Variants in DMD observed in about 807,000 individuals in gnomAD.
DMD encodes the protein dystrophin, also known as mutant dystrophin.
A neutral mutation model predicts 330.1 loss-of-function variants in DMD; 63 were observed. That is an observed-to-expected ratio of 0.19 (90% CI 0.16 to 0.24). The LOEUF is 0.24. Ranked by LOEUF, DMD falls within the 10% of genes least tolerant of loss-of-function variation. The pLI, the probability that DMD is intolerant of heterozygous loss-of-function variation, is 1.00. For synonymous variants in DMD, 1,223 were observed against 959.8 expected (o/e 1.27, Z -5.07); for missense variants, 3,344 against 2,684.1 (o/e 1.25, Z -5.43).
chrX:32,495,750 T>A (rs765098275), intron 19 of DMD, among the ~76,000 whole-genome samples: 169 of 110,291 alleles, frequency 1.5e-3, no homozygotes, highest in Non-Finnish European at 1.8e-3. Context: ...AGAATTATGC[T>A]CCTTGACTCA....
At chrX:32,925,666 T>C (rs1231629880) in intron 2 of DMD, among the ~76,000 whole-genome samples, 2 of 112,103 alleles carry the variant, frequency 1.8e-5, no homozygotes, top group Non-Finnish European at 3.8e-5. Context: ...AAAAGTGTAG[T>C]ACATGATAAC....
chrX:32,074,697 T>C (rs777145771), intron 44 of DMD, among the ~76,000 whole-genome samples: 4 of 92,411 alleles, frequency 4.3e-5, no homozygotes, highest in African/African-American at 1.4e-4. Context: ...GCCTAAAATA[T>C]TTACTAACTA....
At chrX:32,785,718 T>A (rs960811784) in intron 7 of DMD, among the ~76,000 whole-genome samples, 13 of 111,626 alleles carry the variant, frequency 1.2e-4, no homozygotes, top group Non-Finnish European at 1.7e-4. Flanking sequence ...TTTAACTTTT[T>A]TCGTATTTCA....
intron 48 of DMD, among the ~76,000 whole-genome samples, chrX:31,863,185 T>C (rs1318107487): frequency 4.5e-5 from 5 of 111,800 alleles, no homozygotes; most frequent in Non-Finnish European, 9.4e-5. Context: ...CTACTAAAAA[T>C]ACACAAAATT....
intron 42 of DMD, among the ~76,000 whole-genome samples, chrX:32,294,073 C>T (rs1014245231): frequency 8.9e-6 from 1 of 111,849 alleles, no homozygotes; most frequent in Non-Finnish European, 1.9e-5. Context: ...TTGGCTGCTT[C>T]TGTTAACTTG....
intron 19 of DMD, among the ~76,000 whole-genome samples, chrX:32,499,953 TA>T (rs1156315286): frequency 1.8e-5 from 2 of 111,577 alleles, no homozygotes. Context: ...AGTAATTTCA[TA>T]AATTATTTTA....
At chrX:31,252,862 A>G (rs1356639002) in intron 63 of DMD, among the ~76,000 whole-genome samples, 1 of 111,444 alleles carries the variant, frequency 9.0e-6, no homozygotes, top group Non-Finnish European at 1.9e-5. Context: ...AAATACAAAA[A>G]TTAGCTGAGC....
intron 2 of DMD, among the ~76,000 whole-genome samples, chrX:32,882,271 C>T (rs1286969027): frequency 9.0e-6 from 1 of 111,613 alleles, no homozygotes; most frequent in Non-Finnish European, 1.9e-5. Context: ...GTAATTCTAA[C>T]CTTTTGTCTT....
intron 41 of DMD, among the ~76,000 whole-genome samples, chrX:32,324,869 T>C (rs1014969857): frequency 9.0e-6 from 1 of 111,610 alleles, no homozygotes; most frequent in Non-Finnish European, 1.9e-5. Context: ...AAAAATTACA[T>C]AGAGAGGAAA....
intron 13 of DMD, among the ~76,000 whole-genome samples, chrX:32,575,769 T>A (rs958130093): frequency 8.9e-6 from 1 of 111,928 alleles, no homozygotes; most frequent in Non-Finnish European, 1.9e-5. Context: ...ATGATGCAGA[T>A]CTACAAAGTC....
At chrX:32,412,262 C>CTTTACTCTAGTTAA in intron 29 of DMD, 1 of 981,312 alleles carries the variant, frequency 1.0e-6, no homozygotes, top group African/African-American at 2.0e-5. Flanking sequence ...TTATATAGTT[C>CTTTACTCTAGTTAA]AAGAGATTTG....
intron 37 of DMD, among the ~76,000 whole-genome samples, chrX:32,357,602 C>A (rs1046626625): frequency 9.2e-6 from 1 of 108,912 alleles, no homozygotes; most frequent in African/African-American, 3.4e-5. Flanking sequence ...TGTCATTATT[C>A]AGTGGAATTC....
intron 13 of DMD, among the ~76,000 whole-genome samples, chrX:32,580,714 G>A (rs1043276265): frequency 1.8e-5 from 2 of 111,809 alleles, no homozygotes; most frequent in Admixed American, 9.5e-5. Context: ...GACAATTAAT[G>A]ATAATTTTTT....
intron 68 of DMD, 21 bp downstream of exon 68, chrX:31,182,715 ATT>A (rs3833412): frequency 1.9e-6 from 2 of 1,046,232 alleles, no homozygotes; most frequent in East Asian, 3.2e-5. Context: ...AAAAAATGAC[ATT>A]TTTTTTTTGG....
intron 1 of DMD, among the ~76,000 whole-genome samples, chrX:33,308,991 T>C (rs2053806961): frequency 2.7e-5 from 3 of 111,603 alleles, no homozygotes; most frequent in Non-Finnish European, 3.8e-5. Context: ...ATGACATTCA[T>C]TTGGCCTTTG....
At chrX:32,252,152 C>A (rs1252276110) in intron 43 of DMD, among the ~76,000 whole-genome samples, 1 of 111,386 alleles carries the variant, frequency 9.0e-6, no homozygotes, top group Non-Finnish European at 1.9e-5. Context: ...TCACCATACC[C>A]CATACACAAG....
At chrX:32,658,925 T>C (rs948149153) in intron 9 of DMD, among the ~76,000 whole-genome samples, 1 of 112,069 alleles carries the variant, frequency 8.9e-6, no homozygotes, top group Non-Finnish European at 1.9e-5. Flanking sequence ...TTTCACACTC[T>C]TGGTACACAC....
chrX:31,737,094 A>G (rs2086930008), intron 51 of DMD, among the ~76,000 whole-genome samples: 1 of 112,008 alleles, frequency 8.9e-6, no homozygotes, highest in Non-Finnish European at 1.9e-5. Flanking sequence ...CCCCTATTTT[A>G]CTAGTAAAGA....
At chrX:32,449,842 G>C (rs1265307914) in intron 26 of DMD, among the ~76,000 whole-genome samples, 3 of 110,301 alleles carry the variant, frequency 2.7e-5, no homozygotes, top group Admixed American at 1.9e-4. Context: ...GTTTATTTAT[G>C]TGTGCCATGT....
Sources: gnomAD v4.1 joint callset for allele counts (sites outside exome capture counted in the v4.1 genomes callset) on GRCh38, gnomAD v4.1.1 for gene constraint, MANE v1.5 for transcripts, NCBI Gene and HGNC (gene_info 2026-07-23, HGNC 2026-07-21) for gene names.